Variants in GRXCR1 observed in about 807,000 individuals in gnomAD.
GRXCR1 encodes the protein glutaredoxin domain-containing cysteine-rich protein 1.
In GRXCR1, 27 loss-of-function variants were observed where a neutral mutation model predicts 27.3. That is an observed-to-expected ratio of 0.99 (90% CI 0.73 to 1.37). GRXCR1 has a LOEUF of 1.37. GRXCR1 is among the 40% of genes most tolerant of loss of function. The pLI is 0.00. For missense variants in GRXCR1, 379 were observed against 354.4 expected (o/e 1.07, Z -0.56); for synonymous variants, 122 against 131.1 (o/e 0.93, Z 0.47).
At chr4:42,943,341 C>T (rs1184979266) in intron 1 of GRXCR1, among the ~76,000 whole-genome samples, 1 of 152,096 alleles carries the variant, frequency 6.6e-6, no homozygotes, top group Non-Finnish European at 1.5e-5. Flanking sequence ...GTTAAGTTCT[C>T]TGTGCCCACC....
intron 2 of GRXCR1, among the ~76,000 whole-genome samples, chr4:42,975,949 T>A (rs1304562428): frequency 1.3e-5 from 2 of 152,140 alleles, no homozygotes; most frequent in Non-Finnish European, 2.9e-5. Flanking sequence ...GCATTAAGTA[T>A]TCCTAAATTA....
rs760170441 is a variant in GRXCR1 at position 42,948,772 on chromosome 4, TA to T, written c.385-14115del. On this transcript the variant is annotated intron_variant, in intron 1 of 3. Coordinates refer to ENST00000399770, the MANE Select transcript of GRXCR1 (RefSeq NM_001080476.3). ...CCCAGTGTAATAACATGGGTCCTTA[TA>T]AAAAGGAGGCAGGAAGATCAGAATC... 3.9e-5 allele frequency among the ~76,000 whole-genome samples: 6 copies of T among 152,122 alleles called. No individual in the cohort carries two copies. In the South Asian group the frequency reaches 6.2e-4, roughly 16 times the overall value.
chr4:42,935,492 G>A (rs564937547), intron 1 of GRXCR1, among the ~76,000 whole-genome samples: 1 of 151,834 alleles, frequency 6.6e-6, no homozygotes, highest in Non-Finnish European at 1.5e-5. Flanking sequence ...GTTTAAGCTA[G>A]GCTTGGAAAG....
At chr4:43,004,437 C>A (rs1307496469) in intron 2 of GRXCR1, among the ~76,000 whole-genome samples, 1 of 152,164 alleles carries the variant, frequency 6.6e-6, no homozygotes, top group East Asian at 1.9e-4. Context: ...AGTAGAAGGC[C>A]ACCATCTTCC....
chr4:42,893,375 C>T lies in GRXCR1; in HGVS notation c.109C>T (p.Gln37Ter), dbSNP rs767669071. ...TCTGAAGGAAGTGTATGAAGATGGG[C>T]AACCGTCAGGCTCTCTGGATTCTGA... ...RVLKEVYEDG[Q>*]PSGSLDSECA... Residue 37 changes from glutamine (Q) to a stop codon, truncating the protein, a stop_gained, in exon 1 of 4, where the codon CAA (glutamine) becomes TAA (stop). Transcript: ENST00000399770. LOFTEE classifies it high-confidence loss of function. The T allele has an allele frequency of 5.0e-6, 8 of 1,613,690 alleles. No individual in the cohort carries two copies. Among genetic ancestry groups the T allele is most frequent in the African/African-American group, 2.7e-5 (2 of 74,882 alleles).
intron 2 of GRXCR1, among the ~76,000 whole-genome samples, chr4:43,010,733 G>T (rs58291953): frequency 0.025 from 3,793 of 152,020 alleles, 160 homozygotes; most frequent in African/African-American, 0.086. Context: ...ATTTAAAAAA[G>T]ATTTAAAAAA....
At chr4:42,910,989 T>C (rs1222395348) in intron 1 of GRXCR1, among the ~76,000 whole-genome samples, 1 of 152,174 alleles carries the variant, frequency 6.6e-6, no homozygotes, top group African/African-American at 2.4e-5. Context: ...GTAACACCCA[T>C]ATTATAGCTC....
intron 1 of GRXCR1, among the ~76,000 whole-genome samples, chr4:42,935,762 A>G (rs1480781545): frequency 6.6e-6 from 1 of 151,886 alleles, no homozygotes; most frequent in Non-Finnish European, 1.5e-5. Context: ...TATTTAGATT[A>G]AAGTTCTTTT....
intron 2 of GRXCR1, among the ~76,000 whole-genome samples, chr4:42,992,194 G>T (rs1711995142): frequency 6.6e-6 from 1 of 152,096 alleles, no homozygotes; most frequent in Non-Finnish European, 1.5e-5. Context: ...AGAAATCCTT[G>T]TGGCTGTTTC....
intron 2 of GRXCR1, among the ~76,000 whole-genome samples, chr4:42,998,999 T>G (rs1430398761): frequency 6.6e-6 from 1 of 152,168 alleles, no homozygotes; most frequent in Non-Finnish European, 1.5e-5. Context: ...CAATAGAACT[T>G]AGGAAGAAAT....
chr4:42,978,452 A>T (rs567655412), intron 2 of GRXCR1, among the ~76,000 whole-genome samples: 1 of 152,062 alleles, frequency 6.6e-6, no homozygotes, highest in African/African-American at 2.4e-5. Context: ...ATATCTGTTC[A>T]TTTATTTGTG....
chr4:42,913,163 A>G (rs1406100264), intron 1 of GRXCR1, among the ~76,000 whole-genome samples: 2 of 152,198 alleles, frequency 1.3e-5, no homozygotes, highest in East Asian at 3.9e-4. Context: ...ACAATAAATC[A>G]GTACCAGGAG....
In GRXCR1 at chr4:42,974,280, T is replaced by C. The variant is rs890374866; in HGVS notation, c.627+11146T>C. Among the ~76,000 whole-genome samples the C allele has an allele frequency of 2.6e-5, 4 of 152,264 alleles. No homozygotes were observed. The East Asian group carries it at 5.8e-4, about 22-fold the overall frequency. Reference sequence around the variant, plus strand: ...AAAATGTGGAAACTGCATTCTTTGATGAGTCATCTTCTTGTGGGTTCCTTT... The same window carrying C: ...AAAATGTGGAAACTGCATTCTTTGACGAGTCATCTTCTTGTGGGTTCCTTT... On this transcript the variant is annotated intron_variant, in intron 2 of 3. Coordinates refer to ENST00000399770, the MANE Select transcript of GRXCR1 (RefSeq NM_001080476.3).
intron 2 of GRXCR1, among the ~76,000 whole-genome samples, chr4:42,978,149 T>G (rs1480744553): frequency 6.6e-6 from 1 of 152,052 alleles, no homozygotes; most frequent in African/African-American, 2.4e-5. Flanking sequence ...ATTCTGTTCC[T>G]TTGGTCTATG....
intron 1 of GRXCR1, among the ~76,000 whole-genome samples, chr4:42,902,516 T>C (rs546510950): frequency 1.4e-5 from 2 of 145,236 alleles, no homozygotes; most frequent in East Asian, 3.9e-4. Flanking sequence ...ACATTTTCTT[T>C]ATCCAGTCTA....
chr4:42,933,327 G>A (rs748092171), intron 1 of GRXCR1, among the ~76,000 whole-genome samples: 3 of 151,866 alleles, frequency 2.0e-5, no homozygotes, highest in African/African-American at 7.2e-5. Flanking sequence ...CCCGCTAGCT[G>A]GAGAACAGCT....
chr4:43,025,311 T>C (rs1000128719), intron 3 of GRXCR1, among the ~76,000 whole-genome samples: 7 of 152,156 alleles, frequency 4.6e-5, no homozygotes, highest in African/African-American at 9.7e-5. Flanking sequence ...GATGTACTAC[T>C]AGGAAAGCAG....
intron 2 of GRXCR1, among the ~76,000 whole-genome samples, chr4:42,990,346 T>G (rs1012021953): frequency 6.7e-6 from 1 of 150,332 alleles, no homozygotes; most frequent in Non-Finnish European, 1.5e-5. Flanking sequence ...CGCCCGCCAC[T>G]ACGCCCGGCT....
rs1283697055 is a variant in GRXCR1 at position 42,971,339 on chromosome 4, A to C, written c.627+8205A>C. ...CCACATTTTTATATATGTTTATAGC[A>C]ATGCTCCACTACCAGTACCAATTTC... On this transcript the variant is annotated intron_variant, in intron 2 of 3. Coordinates refer to ENST00000399770, the MANE Select transcript of GRXCR1 (RefSeq NM_001080476.3). Among the ~76,000 whole-genome samples, 3 of 152,148 alleles carry C rather than the reference A, an allele frequency of 2.0e-5. No homozygotes were observed. The East Asian group carries it at 5.8e-4, about 29-fold the overall frequency.
Sources: gnomAD v4.1 joint callset for allele counts (sites outside exome capture counted in the v4.1 genomes callset) on GRCh38, gnomAD v4.1.1 for gene constraint, MANE v1.5 for transcripts, NCBI Gene and HGNC (gene_info 2026-07-23, HGNC 2026-07-21) for gene names.